VPS13B: variants seen among roughly 807,000 people sequenced by gnomAD.
VPS13B encodes the protein intermembrane lipid transfer protein VPS13B.
In VPS13B, 285 loss-of-function variants were observed where a neutral mutation model predicts 426.4. That is an observed-to-expected ratio of 0.67 (90% CI 0.61 to 0.74). The LOEUF (loss-of-function observed/expected upper bound fraction) is 0.74, where lower values mean the gene tolerates loss of function less well. VPS13B is among the 30% of genes least tolerant of loss of function. The pLI, the probability that VPS13B is intolerant of heterozygous loss-of-function variation, is 0.00. For missense variants in VPS13B, 4,537 were observed against 4,782.6 expected, an observed-to-expected ratio of 0.95 and a Z score of 1.51; for synonymous variants, 1,676 against 1,676.4, an observed-to-expected ratio of 1.00 and a Z score of 0.01.
At chr8:99,249,285 A>T (rs1817380113) in intron 17 of VPS13B, among the ~76,000 whole-genome samples, 1 of 152,136 alleles carries the variant, frequency 6.6e-6, no homozygotes, top group Non-Finnish European at 1.5e-5. Flanking sequence ...GTTGAAGGAC[A>T]TATTTGTTGT....
intron 19 of VPS13B, among the ~76,000 whole-genome samples, chr8:99,352,614 A>G (rs1340401583): frequency 1.3e-5 from 2 of 152,170 alleles, no homozygotes; most frequent in Non-Finnish European, 2.9e-5. Flanking sequence ...GCTTGAGGTC[A>G]GGAGTTGAAG....
At chr8:99,320,178 T>C (rs1352155442) in intron 19 of VPS13B, among the ~76,000 whole-genome samples, 2 of 152,218 alleles carry the variant, frequency 1.3e-5, no homozygotes, top group African/African-American at 4.8e-5. Flanking sequence ...AATAGAAATA[T>C]GATGGTTTGC....
At chr8:99,364,167 C>T (rs868620450) in intron 19 of VPS13B, among the ~76,000 whole-genome samples, 21 of 152,178 alleles carry the variant, frequency 1.4e-4, no homozygotes, top group Middle Eastern at 3.4e-3. Context: ...GGATTTTTAT[C>T]AGGAAGAATG....
In VPS13B at chr8:99,733,952, C is replaced by T. The variant is rs535439241; in HGVS notation, c.7050+12905C>T. 3.9e-5 allele frequency among the ~76,000 whole-genome samples: 6 copies of T among 152,238 alleles called. No homozygotes were observed. The East Asian group carries it at 7.7e-4, about 20-fold the overall frequency. ...TATATTCATGAAGTTGTGAAGTCCTCACCAGAATCAATTTTGGAATATTTT... is the reference window on the plus strand; with the variant it reads ...TATATTCATGAAGTTGTGAAGTCCTTACCAGAATCAATTTTGGAATATTTT... On this transcript the variant is annotated intron_variant, in intron 39 of 61. Coordinates refer to ENST00000357162, the MANE Select transcript of VPS13B (RefSeq NM_152564.5).
At chr8:99,494,243 A>G (rs1160998783) in intron 25 of VPS13B, among the ~76,000 whole-genome samples, 1 of 152,142 alleles carries the variant, frequency 6.6e-6, no homozygotes, top group Admixed American at 6.6e-5. Context: ...CCTTCACAAC[A>G]GTCTCCAGTA....
chr8:99,626,021 A>C (rs1173538729), intron 33 of VPS13B, among the ~76,000 whole-genome samples: 1 of 152,222 alleles, frequency 6.6e-6, no homozygotes, highest in Non-Finnish European at 1.5e-5. Flanking sequence ...TGCAAAAATT[A>C]ACACAAAATG....
intron 20 of VPS13B, among the ~76,000 whole-genome samples, chr8:99,390,901 T>C (rs946622386): frequency 6.6e-6 from 1 of 152,210 alleles, no homozygotes; most frequent in African/African-American, 2.4e-5. Context: ...ACAGCTGCTT[T>C]ATTGTCCAGC....
chr8:99,068,729 C>A (rs1443313696), intron 3 of VPS13B, among the ~76,000 whole-genome samples: 1 of 152,146 alleles, frequency 6.6e-6, no homozygotes, highest in Admixed American at 6.5e-5. Context: ...GGGAATGCCA[C>A]ACTTTAAAGG....
At chr8:99,286,068 G>A (rs530786451) in intron 19 of VPS13B, among the ~76,000 whole-genome samples, 4 of 151,902 alleles carry the variant, frequency 2.6e-5, no homozygotes, top group South Asian at 4.2e-4. Context: ...TCCCTTCTAA[G>A]CACAACCATA....
At chr8:99,267,468 G>A (rs1470476451) in intron 17 of VPS13B, among the ~76,000 whole-genome samples, 1 of 152,164 alleles carries the variant, frequency 6.6e-6, no homozygotes, top group Non-Finnish European at 1.5e-5. Flanking sequence ...GATGGCTCAT[G>A]CCTGTATTCC....
chr8:99,399,696 T>G (rs1336289883), intron 21 of VPS13B, among the ~76,000 whole-genome samples: 4 of 152,196 alleles, frequency 2.6e-5, no homozygotes, highest in Non-Finnish European at 5.9e-5. Context: ...GCATTGCTAG[T>G]GTTCATATGA....
intron 33 of VPS13B, among the ~76,000 whole-genome samples, chr8:99,611,257 T>C (rs16897501): frequency 0.14 from 20,833 of 152,150 alleles, 1,978 homozygotes; most frequent in East Asian, 0.39. Context: ...GAAAATATAA[T>C]AGACAGGAAA....
rs146109668 is a variant in VPS13B at position 99,838,982 on chromosome 8, G to A, written c.9942+3244G>A. On this transcript the variant is annotated intron_variant, in intron 54 of 61. Transcript: ENST00000357162. ...AGAGGGTCGGAGAGAGGGCTGGTGA[G>A]GCGATGAGAGACCAAACCTGGCAAG... Among the ~76,000 whole-genome samples the A allele has an allele frequency of 9.2e-5, 14 of 152,356 alleles. No homozygotes were observed. The East Asian group carries it at 2.3e-3, about 25-fold the overall frequency.
At chr8:99,777,459 CG>C (rs1811798556) in intron 41 of VPS13B, among the ~76,000 whole-genome samples, 1 of 152,094 alleles carries the variant, frequency 6.6e-6, no homozygotes. Flanking sequence ...CATCAGATCT[CG>C]TGAGACTTAT....
chr8:99,135,796 A>G, intron 11 of VPS13B, 63 bp downstream of exon 11: 1 of 1,598,260 alleles, frequency 6.3e-7, no homozygotes, highest in Non-Finnish European at 8.5e-7. Context: ...TTGTATGAAT[A>G]CTTGTGATTT....
intron 31 of VPS13B, among the ~76,000 whole-genome samples, chr8:99,568,293 A>ATTT (rs1825289565): frequency 4.0e-5 from 4 of 99,250 alleles, no homozygotes; most frequent in East Asian, 5.1e-4. Flanking sequence ...TATTATTATT[A>ATTT]TTATTATTTT....
chr8:99,257,406 G>A (rs1817802422), intron 17 of VPS13B, among the ~76,000 whole-genome samples: 1 of 152,140 alleles, frequency 6.6e-6, no homozygotes, highest in Non-Finnish European at 1.5e-5. Flanking sequence ...TGACAATTTT[G>A]TGTTGTGGCA....
At chr8:99,053,149 T>G (rs1159929294) in intron 3 of VPS13B, among the ~76,000 whole-genome samples, 1 of 151,794 alleles carries the variant, frequency 6.6e-6, no homozygotes, top group African/African-American at 2.4e-5. Context: ...TATTTTTTAT[T>G]TTTAGTATAC....
intron 19 of VPS13B, among the ~76,000 whole-genome samples, chr8:99,368,448 C>CA (rs1370311152): frequency 9.9e-5 from 15 of 152,180 alleles, no homozygotes. Context: ...TCTTTCTCTT[C>CA]AAATTCATTT....
Sources: allele counts gnomAD v4.1 joint callset (sites outside exome capture counted in the v4.1 genomes callset), GRCh38; gene constraint gnomAD v4.1.1; transcripts MANE v1.5; gene names NCBI Gene and HGNC (gene_info 2026-07-23, HGNC 2026-07-21).